The following ZC2HC1A variants were observed in gnomAD, a reference collection of about 807,000 sequenced individuals.
ZC2HC1A encodes zinc finger C2HC domain-containing protein 1A.
A neutral mutation model predicts 40.7 loss-of-function variants in ZC2HC1A; 28 were observed. The ratio of observed to expected loss-of-function variants is 0.69; its 90% CI spans 0.51 to 0.94. The LOEUF (loss-of-function observed/expected upper bound fraction) is 0.94. Among genes scored for constraint, ZC2HC1A ranks in the 40% least tolerant of loss-of-function variants. The pLI is 0.00. For missense variants in ZC2HC1A, 389 were observed against 386.3 expected, an observed-to-expected ratio of 1.01 and a Z score of -0.06; for synonymous variants, 129 against 129.2, an observed-to-expected ratio of 1.00 and a Z score of 0.01.
At chr8:78,716,434 G>T (rs1471322285) in intron 8 of ZC2HC1A, among the ~76,000 whole-genome samples, 5 of 151,952 alleles carry the variant, frequency 3.3e-5, no homozygotes, top group African/African-American at 7.3e-5. Context: ...AGTATGTTTT[G>T]TTAATAGATA....
intron 2 of ZC2HC1A, among the ~76,000 whole-genome samples, chr8:78,676,291 G>A (rs760209093): frequency 3.9e-5 from 6 of 151,902 alleles, no homozygotes; most frequent in Non-Finnish European, 8.8e-5. Context: ...GTGATGAGTA[G>A]TAAATGGTAG....
rs753397034 is a variant in ZC2HC1A, at chr8:78,712,210, C to A, written c.705-3011C>A. On this transcript the variant is annotated intron_variant, in intron 7 of 8. Coordinates refer to ENST00000263849, the MANE Select transcript of ZC2HC1A (RefSeq NM_016010.3). ...TTTACTGTCCTATACTTAAAAAAAT[C>A]TGTTGAATAATTTCTAAGCCAAAAT... 3.0e-4 allele frequency: 159 copies of A among 535,208 alleles called. 1 individual carries two copies. The highest frequency in any genetic ancestry group is 4.3e-4 in the Non-Finnish European group (153 of 358,682). 33.2% of individuals were successfully genotyped at this position (535,208 alleles called of 1,614,324 possible).
intron 7 of ZC2HC1A, among the ~76,000 whole-genome samples, chr8:78,704,618 A>G (rs1299094089): frequency 6.6e-6 from 1 of 152,028 alleles, no homozygotes; most frequent in Non-Finnish European, 1.5e-5. Context: ...GGTTCTCTAC[A>G]TTTCCTGAAT....
At chr8:78,708,151 G>T (rs1450370560) in intron 7 of ZC2HC1A, among the ~76,000 whole-genome samples, 1 of 152,120 alleles carries the variant, frequency 6.6e-6, no homozygotes, top group Admixed American at 6.6e-5. Context: ...TTGAGTAAAG[G>T]TTGAATTAAG....
intron 1 of ZC2HC1A, among the ~76,000 whole-genome samples, chr8:78,670,326 T>C (rs1362535510): frequency 2.0e-5 from 3 of 152,102 alleles, no homozygotes; most frequent in Non-Finnish European, 4.4e-5. Flanking sequence ...GTTCAGACAG[T>C]GAGTGAATGA....
At chr8:78,670,051 T>C (rs1245207920) in intron 1 of ZC2HC1A, among the ~76,000 whole-genome samples, 2 of 145,758 alleles carry the variant, frequency 1.4e-5, no homozygotes, top group Non-Finnish European at 3.0e-5. Flanking sequence ...CACCACAACC[T>C]CCGCCTTCTG....
chr8:78,676,235 A>T (rs1163143048), intron 2 of ZC2HC1A: 1 of 155,416 alleles, frequency 6.4e-6, no homozygotes, highest in Non-Finnish European at 1.4e-5. Flanking sequence ...AAAATCAGGG[A>T]TAGATGAAAC....
Position 78,697,419 on chromosome 8 carries a change from G to T in ZC2HC1A, c.517G>T (p.Ala173Ser), listed in dbSNP as rs138000597. 5 of 1,595,656 alleles carry T rather than the reference G, an allele frequency of 3.1e-6. No homozygotes were observed. The highest frequency in any genetic ancestry group is 1.8e-5 in the Admixed American group (1 of 55,114). Residue 173 changes from alanine (A) to serine (S), a missense_variant, in exon 6 of 9, where the codon GCA becomes TCA. Transcript: ENST00000263849. ...TSRTQVYKPP[A>S]LKKSNSPGTA... The stretch of plus-strand genomic sequence containing the variant: ...TCCATTATTTTAGTATAAGCCACCC[G>T]CACTTAAAAAGTCAAATTCTCCTGG...
chr8:78,713,459 T>C (rs1212515410), intron 7 of ZC2HC1A, among the ~76,000 whole-genome samples: 3 of 149,674 alleles, frequency 2.0e-5, no homozygotes, highest in Non-Finnish European at 3.0e-5. Flanking sequence ...GACGATTCTA[T>C]AGCCAAAAAA....
chr8:78,695,873 T>C (rs973689375), intron 5 of ZC2HC1A, among the ~76,000 whole-genome samples: 2 of 152,194 alleles, frequency 1.3e-5, no homozygotes, highest in African/African-American at 4.8e-5. Flanking sequence ...TTATCAAGAT[T>C]TAACTTTTTA....
At chr8:78,709,730 A>G (rs1219846785) in intron 7 of ZC2HC1A, among the ~76,000 whole-genome samples, 1 of 152,140 alleles carries the variant, frequency 6.6e-6, no homozygotes, top group Admixed American at 6.6e-5. Flanking sequence ...AAAAAAAAAA[A>G]AAAAAATTTC....
chr8:78,711,919 C>T, intron 7 of ZC2HC1A: 2 of 970,178 alleles, frequency 2.1e-6, no homozygotes, highest in South Asian at 1.4e-5. Context: ...AGAATAATGT[C>T]TTTTAAAAAA....
At chr8:78,678,961 A>T (rs968232085) in intron 3 of ZC2HC1A, 6 of 204,960 alleles carry the variant, frequency 2.9e-5, no homozygotes, top group Non-Finnish European at 5.8e-5. Flanking sequence ...TTGGAGAGCC[A>T]ATTGCTGTCC....
At position 78,678,509 on chromosome 8, in the gene ZC2HC1A, GTCTTACCT is replaced by G; in HGVS notation, c.94-50_94-43del. 5 of 1,425,092 alleles carry G rather than the reference GTCTTACCT, an allele frequency of 3.5e-6. No individual in the cohort carries two copies. The South Asian group carries it at 6.3e-5, about 18-fold the overall frequency. 88.3% of individuals were successfully genotyped at this position (1,425,092 alleles called of 1,614,324 possible). On this transcript the variant is annotated intron_variant, in intron 2 of 8. Transcript: ENST00000263849. ...GTCTCAATGTAAATAAAGTTCTGTA[GTCTTACCT>G]TCTGTAGAAAAGAAAATGATAGGCT...
In ZC2HC1A at chr8:78,700,566, A is replaced by G. The variant is rs1438824970; in HGVS notation, c.704+2053A>G. Among the ~76,000 whole-genome samples the G allele has an allele frequency of 2.6e-5, 4 of 152,304 alleles. No individual in the cohort carries two copies. In the South Asian group the frequency reaches 8.3e-4, roughly 32 times the overall value. On this transcript the variant is annotated intron_variant, in intron 7 of 8. Coordinates refer to ENST00000263849, the MANE Select transcript of ZC2HC1A (RefSeq NM_016010.3). ...TGCAATTGCTTTTGGCATCTTCATT[A>G]TAAAATCTTTGCTGCTGCCTGTGCC... is the stretch of plus-strand genomic sequence containing the variant.
intron 4 of ZC2HC1A, among the ~76,000 whole-genome samples, chr8:78,686,830 A>G (rs972742052): frequency 3.9e-5 from 6 of 152,112 alleles, no homozygotes; most frequent in African/African-American, 1.4e-4. Context: ...TAATACTTTT[A>G]TTTAAACAAG....
intron 7 of ZC2HC1A, among the ~76,000 whole-genome samples, chr8:78,699,434 A>G (rs1810529872): frequency 6.6e-6 from 1 of 152,204 alleles, no homozygotes. Context: ...GGTTCAGTTG[A>G]TTAATGAAAT....
chr8:78,717,339 A>G lies in ZC2HC1A; in HGVS notation c.824A>G (p.Asp275Gly). The stretch of plus-strand genomic sequence containing the variant: ...CTTTACTTTTTTAGGCCAGATGGGG[A>G]CTGTGCATCTTCCCTTAATGGTGGA... Reference protein sequence around the residue: ...TESYIARPDGDCASSLNGGNI... With the variant: ...TESYIARPDGGCASSLNGGNI... The change falls in exon 9 of 9, where the codon GAC (aspartate) becomes GGC (glycine). Residue 275 changes from aspartate (D) to glycine (G), a missense_variant. By Grantham distance (94) the Asp-to-Gly change is moderately conservative. Transcript: ENST00000263849. 6.2e-7 allele frequency: 1 copy of G among 1,608,148 alleles called. No homozygotes were observed. Among genetic ancestry groups the G allele is most frequent in the Non-Finnish European group, 8.5e-7 (1 of 1,178,474 alleles).
chr8:78,679,598 T>C (rs1377167888), intron 3 of ZC2HC1A, among the ~76,000 whole-genome samples: 1 of 152,154 alleles, frequency 6.6e-6, no homozygotes, highest in African/African-American at 2.4e-5. Flanking sequence ...CAACTGTGTA[T>C]TGCTAAGAAT....
Sources: allele counts gnomAD v4.1 joint callset (sites outside exome capture counted in the v4.1 genomes callset), GRCh38; gene constraint gnomAD v4.1.1; transcripts MANE v1.5; gene names NCBI Gene and HGNC (gene_info 2026-07-23, HGNC 2026-07-21).